PPP2R5D: variants seen among roughly 807,000 people sequenced by gnomAD.
The protein encoded by PPP2R5D is serine/threonine-protein phosphatase 2A 56 kDa regulatory subunit delta isoform.
In PPP2R5D, 12 loss-of-function variants were observed where a neutral mutation model predicts 79.1. The ratio of observed to expected loss-of-function variants is 0.15; its 90% confidence interval spans 0.10 to 0.25. The LOEUF (loss-of-function observed/expected upper bound fraction) is 0.25, where lower values mean the gene tolerates loss of function less well. Among genes scored for constraint, PPP2R5D ranks in the 10% least tolerant of loss-of-function variants. PPP2R5D has a pLI of 1.00. For missense variants in PPP2R5D, 419 were observed against 760.2 expected (o/e 0.55, Z 5.28); for synonymous variants, 277 against 286.6 (o/e 0.97, Z 0.34).
rs992451627 is a variant in PPP2R5D, at chr6:42,996,003, C to T, written c.105+6315C>T. On this transcript the variant is annotated intron_variant, in intron 2 of 15. Transcript: ENST00000485511. ...CAGCCTCCCGAGTAGCTGGGACTTT[C>T]TATTTTTTTTTTTTTTTTTTTTAGT... Among the ~76,000 whole-genome samples the T allele has an allele frequency of 2.0e-4, 17 of 86,946 alleles. No homozygotes were observed. In the Admixed American group the frequency reaches 2.0e-3, roughly 10 times the overall value. 57.0% of individuals were successfully genotyped at this position (86,946 alleles called of 152,430 possible).
chr6:43,012,000 A>C lies in PPP2R5D; in HGVS notation c.*714A>C. ...GAGCAGCAGCCCTGGGGTCACAGACATGGAAGGGACCACCCTGGGGCTGAC... is the reference window on the plus strand; with the variant it reads ...GAGCAGCAGCCCTGGGGTCACAGACCTGGAAGGGACCACCCTGGGGCTGAC... On this transcript the variant is annotated 3_prime_UTR_variant, in exon 16 of 16. Transcript: ENST00000485511. The C allele has an allele frequency of 5.9e-6, 1 of 170,180 alleles. No homozygotes were observed. Among genetic ancestry groups the C allele is most frequent in the Non-Finnish European group, 1.2e-5 (1 of 83,544 alleles). The allele number at this position is 170,180 out of a possible 1,614,324, so 10.5% of individuals were successfully genotyped here.
chr6:42,998,046 T>TATAC (rs1771890239), intron 2 of PPP2R5D, among the ~76,000 whole-genome samples: 3 of 29,620 alleles, frequency 1.0e-4, no homozygotes, highest in African/African-American at 2.8e-4. Context: ...TATATATATA[T>TATAC]ATATATATAT....
In PPP2R5D at chr6:42,984,754, C is replaced by T. The variant is rs764748355; in HGVS notation, c.27+50C>T. ...CCGCCGCCTTGGAGCCTGCGCGGAG[C>T]TCTGGGAGGGGCCGGAGCCAGGCCC... is the stretch of plus-strand genomic sequence containing the variant. On this transcript the variant is annotated intron_variant, in intron 1 of 15. Transcript: ENST00000485511. The T allele has an allele frequency of 1.2e-5, 20 of 1,609,054 alleles. No individual in the cohort carries two copies. The South Asian group carries it at 2.2e-4, about 18-fold the overall frequency.
chr6:42,987,427 G>C (rs567651944), intron 1 of PPP2R5D, among the ~76,000 whole-genome samples: 2 of 152,102 alleles, frequency 1.3e-5, no homozygotes, highest in South Asian at 4.2e-4. Flanking sequence ...CATAATAATA[G>C]TAATAACATT....
rs1762202036 is a variant in PPP2R5D at position 43,008,500 on chromosome 6, G to A, written c.1026+25G>A. On this transcript the variant is annotated intron_variant, in intron 9 of 15. Transcript: ENST00000485511. The surrounding 1 kb of genome is among the most constrained non-coding windows in gnomAD (Gnocchi z 4.2). ...GGTGAGCTGCCTTCCTCCTTATAAT[G>A]TCCAACTCAGGCAGCAGAGAAAAGA... 2 of 1,575,846 alleles carry A rather than the reference G, an allele frequency of 1.3e-6. No individual in the cohort carries two copies. The highest frequency in any genetic ancestry group is 1.1e-5 in the South Asian group (1 of 90,260).
intron 2 of PPP2R5D, among the ~76,000 whole-genome samples, chr6:43,005,462 C>T (rs1326497532): frequency 1.3e-5 from 2 of 152,128 alleles, no homozygotes; most frequent in African/African-American, 2.4e-5. Flanking sequence ...TGCCACCACA[C>T]CTGGCTAATT....
chr6:43,011,144 C>A lies in PPP2R5D; in HGVS notation c.1672-5C>A. ...ATTCCTCACCTTGTCCCTATTCACA[C>A]ACAGATGCTAAAAGACATCAAGAAG... On this transcript the variant is annotated splice_polypyrimidine_tract_variant and splice_region_variant and intron_variant, in intron 15 of 15. Coordinates refer to ENST00000485511, the MANE Select transcript of PPP2R5D (RefSeq NM_006245.4). The A allele has an allele frequency of 6.2e-7, 1 of 1,614,150 alleles. No individual in the cohort carries two copies. Among genetic ancestry groups the A allele is most frequent in the Non-Finnish European group, 8.5e-7 (1 of 1,179,994 alleles).
intron 1 of PPP2R5D, among the ~76,000 whole-genome samples, chr6:42,989,142 A>G (rs988993753): frequency 3.9e-5 from 6 of 152,240 alleles, no homozygotes; most frequent in Non-Finnish European, 8.8e-5. Context: ...TATTTGTGAC[A>G]TCCAAAAATT....
Position 42,984,722 on chromosome 6 carries a change from TC to T in PPP2R5D, c.27+23del. On this transcript the variant is annotated intron_variant, in intron 1 of 15. Transcript: ENST00000485511. ...AGGAGAAGGTGAGCGTGGCCCTTTT[TC>T]CCCCACCGCCGCCTTGGAGCCTGCG... 6.2e-7 allele frequency: 1 copy of T among 1,611,386 alleles called. No individual in the cohort carries two copies. The highest frequency in any genetic ancestry group is 8.5e-7 in the Non-Finnish European group (1 of 1,178,904).
chr6:42,986,029 G>A (rs1770817861), intron 1 of PPP2R5D, among the ~76,000 whole-genome samples: 1 of 151,966 alleles, frequency 6.6e-6, no homozygotes, highest in African/African-American at 2.4e-5. Context: ...TGACCCCCTC[G>A]GCCTCCCAAA....
intron 1 of PPP2R5D, among the ~76,000 whole-genome samples, chr6:42,986,340 G>C (rs972422309): frequency 6.6e-6 from 1 of 152,002 alleles, no homozygotes; most frequent in African/African-American, 2.4e-5. Context: ...CCACCTGCTC[G>C]ATGACCCCAG....
At position 43,007,835 on chromosome 6, in the gene PPP2R5D, G is replaced by T. The variant is rs1762172292; in HGVS notation, c.727-100G>T. 2.0e-6 allele frequency: 3 copies of T among 1,483,974 alleles called. No individual in the cohort carries two copies. The highest frequency in any genetic ancestry group is 1.9e-6 in the Non-Finnish European group (2 of 1,073,172). 91.9% of individuals were successfully genotyped at this position (1,483,974 alleles called of 1,614,324 possible). A position where few individuals can be genotyped will look rare whatever the true frequency, so the allele number is the denominator to read the frequency against. Reference sequence around the variant, plus strand: ...CTAAGACTTGCTGGCCCCCACTCCAGGGGACCTCTGCATTTCCCCTGGCGG... The same window carrying T: ...CTAAGACTTGCTGGCCCCCACTCCATGGGACCTCTGCATTTCCCCTGGCGG... On this transcript the variant is annotated intron_variant, in intron 6 of 15. Coordinates refer to ENST00000485511, the MANE Select transcript of PPP2R5D (RefSeq NM_006245.4). The surrounding 1 kb of genome is among the most constrained non-coding windows in gnomAD (Gnocchi z 4.5).
Position 43,011,187 on chromosome 6 carries a change from G to C in PPP2R5D, c.1710G>C (p.Arg570=). ...TCAAGAAGGAGAAAGTGCTGCTGCG[G>C]AGGAAGTCGGAGCTGCCCCAGGACG... ...KDIKKEKVLL[R]RKSELPQDVY... is the part of the protein sequence containing the mutation. Residue 570 remains arginine (R), a synonymous_variant, in exon 16 of 16, where the codon CGG becomes CGC. Transcript: ENST00000485511. The C allele has an allele frequency of 3.1e-6, 5 of 1,614,152 alleles. No homozygotes were observed. Among genetic ancestry groups the C allele is most frequent in the Non-Finnish European group, 4.2e-6 (5 of 1,180,026 alleles).
intron 2 of PPP2R5D, among the ~76,000 whole-genome samples, chr6:43,003,767 C>A (rs113778245): frequency 4.6e-5 from 7 of 152,006 alleles, no homozygotes; most frequent in African/African-American, 1.7e-4. Context: ...GACGGCGTCT[C>A]GCTGTCTCCC....
intron 1 of PPP2R5D, among the ~76,000 whole-genome samples, chr6:42,987,954 C>A (rs1460962736): frequency 6.6e-6 from 1 of 152,134 alleles, no homozygotes; most frequent in Non-Finnish European, 1.5e-5. Context: ...TGCCTGCACC[C>A]TGCCCCCGGC....
At chr6:42,992,506 G>A (rs1471421120) in intron 2 of PPP2R5D, among the ~76,000 whole-genome samples, 1 of 152,080 alleles carries the variant, frequency 6.6e-6, no homozygotes, top group Non-Finnish European at 1.5e-5. Flanking sequence ...GTTTCCTAGG[G>A]CAGCCATAAT....
rs1165406603 is a variant in PPP2R5D, at chr6:43,008,375, A to G, written c.926A>G (p.Asn309Ser). The change falls in exon 9 of 16, where the codon AAT becomes AGT. Residue 309 changes from asparagine (N) to serine (S), a missense_variant. Physicochemically the swap from Asn to Ser is conservative, Grantham distance 46. Coordinates refer to ENST00000485511, the MANE Select transcript of PPP2R5D (RefSeq NM_006245.4). This position sits in a 1 kb window ranked among gnomAD's most constrained non-coding sequence, Gnocchi z 4.2. ...TGTCCCTTAATTCCTAGCATCATCAATGGCTTTGCCCTGCCCCTTAAAGAA... is the reference window on the plus strand; with the variant it reads ...TGTCCCTTAATTCCTAGCATCATCAGTGGCTTTGCCCTGCCCCTTAAAGAA... Reference protein sequence around the residue: ...ELLEILGSIINGFALPLKEEH... With the variant: ...ELLEILGSIISGFALPLKEEH... The G allele has an allele frequency of 5.0e-6, 8 of 1,613,888 alleles. No individual in the cohort carries two copies. The highest frequency in any genetic ancestry group is 2.2e-5 in the South Asian group (2 of 91,088).
intron 2 of PPP2R5D, among the ~76,000 whole-genome samples, chr6:42,992,200 C>T (rs1771311704): frequency 6.6e-6 from 1 of 152,200 alleles, no homozygotes; most frequent in African/African-American, 2.4e-5. Context: ...GCTGGGACTA[C>T]AGGCTCCCGC....
intron 2 of PPP2R5D, among the ~76,000 whole-genome samples, chr6:42,995,741 G>A (rs1364233061): frequency 7.4e-5 from 11 of 148,538 alleles, no homozygotes; most frequent in Non-Finnish European, 1.2e-4. Context: ...TTTTTTTTTG[G>A]GTCTCACTGT....
Sources: allele counts gnomAD v4.1 joint callset (sites outside exome capture counted in the v4.1 genomes callset), GRCh38; gene constraint gnomAD v4.1.1; non-coding constraint Gnocchi (gnomAD v3.1); transcripts MANE v1.5; gene names NCBI Gene and HGNC (gene_info 2026-07-23, HGNC 2026-07-21).